Variants in CLEC4G observed in about 807,000 individuals in gnomAD.
CLEC4G encodes C-type lectin superfamily 4, member G.
CLEC4G carries 34 observed loss-of-function variants against 37.0 expected under a neutral mutation model. That is an observed-to-expected ratio of 0.92 (90% CI 0.70 to 1.22). The LOEUF is 1.22. Among genes scored for constraint, CLEC4G ranks in the 50% most tolerant of loss-of-function variants. CLEC4G has a pLI of 0.00. For synonymous variants in CLEC4G, 167 were observed against 165.6 expected (o/e 1.01, Z -0.06); for missense variants, 390 against 392.9 (o/e 0.99, Z 0.06).
intron 1 of CLEC4G, 81 bp from the exon 2 acceptor site, chr19:7,731,852 A>G: frequency 6.5e-7 from 1 of 1,543,716 alleles, no homozygotes; most frequent in East Asian, 2.4e-5. Context: ...ACTGAGATTC[A>G]GAGAAGTTAA....
rs745388256 is a variant in CLEC4G at position 7,730,307 on chromosome 19, G to A, written c.478+44C>T. On this transcript the variant is annotated intron_variant, in intron 6 of 8. Coordinates refer to ENST00000328853, the MANE Select transcript of CLEC4G (RefSeq NM_198492.4). This position sits in a 1 kb window ranked among gnomAD's most constrained non-coding sequence, Gnocchi z 7.3. Reference sequence around the variant, plus strand: ...CCAAGGTCCAGGAGTGACAGGGTCCGCTTACGCCCTCACAGCCCGCCCCCG... The same window carrying A: ...CCAAGGTCCAGGAGTGACAGGGTCCACTTACGCCCTCACAGCCCGCCCCCG... The A allele has an allele frequency of 1.9e-6, 3 of 1,584,398 alleles. No individual in the cohort carries two copies. Among genetic ancestry groups the A allele is most frequent in the Admixed American group, 1.7e-5 (1 of 57,518 alleles).
rs1217482174 is a variant in CLEC4G, at chr19:7,730,219, C to G, written c.479-52G>C. 5.0e-6 allele frequency: 8 copies of G among 1,595,860 alleles called. No individual in the cohort carries two copies. The highest frequency in any genetic ancestry group is 6.8e-6 in the Non-Finnish European group (8 of 1,172,580). On this transcript the variant is annotated intron_variant, in intron 6 of 8. Transcript: ENST00000328853. The surrounding 1 kb of genome is among the most constrained non-coding windows in gnomAD (Gnocchi z 7.3). ...TCGCGTGCTTCCAGGGGCAACGCACCGAGAGGATGCAGTGGGTAGGGGTTC... is the reference window on the plus strand; with the variant it reads ...TCGCGTGCTTCCAGGGGCAACGCACGGAGAGGATGCAGTGGGTAGGGGTTC...
chr19:7,729,792 C>T, intron 8 of CLEC4G, 29 bp downstream of exon 8: 1 of 1,613,266 alleles, frequency 6.2e-7, no homozygotes. Context: ...GTCTCCCTCC[C>T]CAGGTCTCAC....
At position 7,731,300 on chromosome 19, in the gene CLEC4G, C is replaced by G. The variant is rs919257666; in HGVS notation, c.186G>C (p.Ala62=). The change falls in exon 3 of 9, where the codon GCG becomes GCC. Residue 62 remains alanine, a synonymous_variant. Coordinates refer to ENST00000328853, the MANE Select transcript of CLEC4G (RefSeq NM_198492.4). ...TCAGCAGGTCGTGGCCGTCAAGCAG[C>G]GCCGCGCGCTCCGTGGAGGCTGAGG... ...LLSKASTERA[A]LLDGHDLLRT... 6.3e-7 allele frequency: 1 copy of G among 1,582,392 alleles called. No homozygotes were observed. The highest frequency in any genetic ancestry group is 1.3e-5 in the African/African-American group (1 of 74,692).
intron 2 of CLEC4G, 54 bp from the exon 3 acceptor site, chr19:7,731,373 G>GC (rs2033430527): frequency 6.5e-7 from 1 of 1,533,062 alleles, no homozygotes; most frequent in East Asian, 2.4e-5. Flanking sequence ...TCCTCCCCTC[G>GC]CCCGGGGGGT....
rs531198918 is a variant in CLEC4G at position 7,729,154 on chromosome 19, G to A, written c.*212C>T. The stretch of plus-strand genomic sequence containing the variant: ...CTAGTGGAGGTTAGGTTGGGTCTGC[G>A]TGAGTGGAGTTAGGATGAGGTCGGC... On this transcript the variant is annotated 3_prime_UTR_variant, in exon 9 of 9. Transcript: ENST00000328853. 619 of 681,512 alleles carry A rather than the reference G, an allele frequency of 9.1e-4. 2 individuals carry two copies. The highest frequency in any genetic ancestry group is 1.4e-3 in the Non-Finnish European group (521 of 371,132). The allele number at this position is 681,512 out of a possible 1,614,324, so 42.2% of individuals were successfully genotyped here. A position where few individuals can be genotyped will look rare whatever the true frequency, so the allele number is the denominator to read the frequency against.
Position 7,730,172 on chromosome 19 carries a change from G to T in CLEC4G, c.479-5C>A. 1 of 1,610,980 alleles carries T rather than the reference G, an allele frequency of 6.2e-7. No individual in the cohort carries two copies. On this transcript the variant is annotated splice_polypyrimidine_tract_variant and splice_region_variant and intron_variant, in intron 6 of 8. Coordinates refer to ENST00000328853, the MANE Select transcript of CLEC4G (RefSeq NM_198492.4). The surrounding 1 kb of genome is among the most constrained non-coding windows in gnomAD (Gnocchi z 7.3). ...TGGGGCACGGCTCGCAGGAGTCTGC[G>T]GGGTGGCGAGGGTCAGAGAGGTCGC...
At chr19:7,731,431 G>A (rs1315114766) in intron 2 of CLEC4G, 112 bp from the exon 3 acceptor site, 5 of 1,497,360 alleles carry the variant, frequency 3.3e-6, no homozygotes, top group Non-Finnish European at 2.7e-6. Flanking sequence ...CAGGCATACA[G>A]CTCACACGAT....
In CLEC4G at chr19:7,732,078, A is replaced by G; in HGVS notation, c.25T>C (p.Trp9Arg). MDTTRYSK[W>R]GGSSEEVPGG... ...GGGACCTCCTCGGAGCTGCCGCCCC[A>G]CTTGCTGTACCTGGTGGTGTCCATG... The change falls in exon 1 of 9, where the codon TGG becomes CGG. Residue 9 changes from tryptophan (W) to arginine (R), a missense_variant. Transcript: ENST00000328853. 1 of 1,610,484 alleles carries G rather than the reference A, an allele frequency of 6.2e-7. No individual in the cohort carries two copies. The highest frequency in any genetic ancestry group is 8.5e-7 in the Non-Finnish European group (1 of 1,176,746).
At chr19:7,729,975 C>A in intron 7 of CLEC4G, 39 bp from the exon 8 acceptor site, 1 of 1,609,400 alleles carries the variant, frequency 6.2e-7, no homozygotes. Flanking sequence ...AGAGTCCGCC[C>A]CGCCCTGCCC....
intron 2 of CLEC4G, 155 bp from the exon 3 acceptor site, chr19:7,731,474 G>A (rs2033431952): frequency 2.0e-6 from 3 of 1,471,094 alleles, no homozygotes; most frequent in Non-Finnish European, 2.7e-6. Flanking sequence ...CAAACGCGCG[G>A]GGACTCGCGC....
rs1156254399 is a variant in CLEC4G, at chr19:7,730,921, GC to G, written c.284-63del. The G allele has an allele frequency of 6.0e-6, 9 of 1,497,816 alleles. No homozygotes were observed. The highest frequency in any genetic ancestry group is 4.3e-5 in the African/African-American group (3 of 69,650). The allele number at this position is 1,497,816 out of a possible 1,614,324, so 92.8% of individuals were successfully genotyped here. On this transcript the variant is annotated intron_variant, in intron 4 of 8. Coordinates refer to ENST00000328853, the MANE Select transcript of CLEC4G (RefSeq NM_198492.4). This position sits in a 1 kb window ranked among gnomAD's most constrained non-coding sequence, Gnocchi z 7.3. ...GGATGGGGCGGGACTTCGGAGACCA[GC>G]CCCCGCCCCGCACCACCCGCCGCAG...
chr19:7,728,981 T>G lies in CLEC4G; in HGVS notation c.*385A>C, dbSNP rs1358041473. Reference sequence around the variant, plus strand: ...ATCCTGGATTCATTTCTCAAATATTTATTGATGCTTCCTCAGGCTGCAAAA... The same window carrying G: ...ATCCTGGATTCATTTCTCAAATATTGATTGATGCTTCCTCAGGCTGCAAAA... On this transcript the variant is annotated 3_prime_UTR_variant, in exon 9 of 9. Coordinates refer to ENST00000328853, the MANE Select transcript of CLEC4G (RefSeq NM_198492.4). The G allele has an allele frequency of 5.5e-6, 2 of 362,476 alleles. No individual in the cohort carries two copies. The highest frequency in any genetic ancestry group is 1.1e-5 in the Non-Finnish European group (2 of 184,910). The allele number at this position is 362,476 out of a possible 1,614,324, so 22.5% of individuals were successfully genotyped here.
rs1568500107 is a variant in CLEC4G at position 7,730,304 on chromosome 19, T to G, written c.478+47A>C. The G allele has an allele frequency of 2.5e-6, 4 of 1,581,924 alleles. No individual in the cohort carries two copies. The highest frequency in any genetic ancestry group is 3.4e-6 in the Non-Finnish European group (4 of 1,168,070). On this transcript the variant is annotated intron_variant, in intron 6 of 8. Transcript: ENST00000328853. This position sits in a 1 kb window ranked among gnomAD's most constrained non-coding sequence, Gnocchi z 7.3. ...AGGCCAAGGTCCAGGAGTGACAGGGTCCGCTTACGCCCTCACAGCCCGCCC... is the reference window on the plus strand; with the variant it reads ...AGGCCAAGGTCCAGGAGTGACAGGGGCCGCTTACGCCCTCACAGCCCGCCC...
chr19:7,729,787 C>T (rs774639838), intron 8 of CLEC4G, 34 bp downstream of exon 8: 112 of 1,612,410 alleles, frequency 6.9e-5, no homozygotes, highest in Non-Finnish European at 9.2e-5. Context: ...AACCTGTCTC[C>T]CTCCCCAGGT....
Position 7,729,488 on chromosome 19 carries a change from C to T in CLEC4G, c.760G>A (p.Glu254Lys), listed in dbSNP as rs769920332. The T allele has an allele frequency of 4.4e-6, 7 of 1,605,404 alleles. No homozygotes were observed. The East Asian group carries it at 1.6e-4, about 36-fold the overall frequency. ...SLSFSHWNQG[E>K]PNDAWGRENC... is the part of the protein sequence containing the mutation. The stretch of plus-strand genomic sequence containing the variant: ...TCGCGCCCCCAAGCGTCATTGGGCT[C>T]TCCCTGGTTCCAGTGGCTACAGGGG... The change falls in exon 9 of 9, where the codon GAG becomes AAG. Residue 254 changes from glutamate to lysine, a missense_variant. By Grantham distance (56) the Glu-to-Lys change is moderately conservative. Transcript: ENST00000328853.
chr19:7,729,313 C>T lies in CLEC4G; in HGVS notation c.*53G>A. 1 of 1,268,164 alleles carries T rather than the reference C, an allele frequency of 7.9e-7. No homozygotes were observed. 78.6% of individuals were successfully genotyped at this position (1,268,164 alleles called of 1,614,324 possible). A position where few individuals can be genotyped will look rare whatever the true frequency, so the allele number is the denominator to read the frequency against. ...CTCCAGGAGCCAGGGAGGTGAGCAG[C>T]CCCCAGGATACGACATGCTGCAATG... On this transcript the variant is annotated 3_prime_UTR_variant, in exon 9 of 9. Transcript: ENST00000328853.
chr19:7,731,741 C>G lies in CLEC4G; in HGVS notation c.86G>C (p.Arg29Thr), dbSNP rs765451300. ...AGCCAGGGCCAAGAAGAGGGGTCTC[C>G]TGCTCCAGTGCACCCAGCGTCCCCA... is the stretch of plus-strand genomic sequence containing the variant. ...GPWGRWVHWS[R>T]RPLFLALAVL... Residue 29 changes from arginine (R) to threonine (T), a missense_variant, in exon 2 of 9, where the codon AGG becomes ACG. By Grantham distance (71) the Arg-to-Thr change is moderately conservative. Transcript: ENST00000328853. The G allele has an allele frequency of 9.9e-6, 16 of 1,613,984 alleles. No homozygotes were observed. The highest frequency in any genetic ancestry group is 1.4e-5 in the Non-Finnish European group (16 of 1,180,012).
chr19:7,731,414 G>T, intron 2 of CLEC4G, 95 bp from the exon 3 acceptor site: 1 of 1,508,796 alleles, frequency 6.6e-7, no homozygotes, highest in East Asian at 2.5e-5. Flanking sequence ...AGCACGGAGC[G>T]GGCGGGCAGG....
Sources: allele counts gnomAD v4.1 joint callset, GRCh38; gene constraint gnomAD v4.1.1; non-coding constraint Gnocchi (gnomAD v3.1); transcripts MANE v1.5; gene names NCBI Gene and HGNC (gene_info 2026-07-23, HGNC 2026-07-21).